Variants in MCC observed in about 807,000 individuals in gnomAD.
MCC encodes the protein colorectal mutant cancer protein.
MCC carries 90 observed loss-of-function variants against 116.2 expected under a neutral mutation model. The ratio of observed to expected loss-of-function variants is 0.77; its 90% confidence interval spans 0.65 to 0.92. The LOEUF is 0.92. Ranked by LOEUF, MCC falls within the 40% of genes least tolerant of loss-of-function variation. The probability of loss-of-function intolerance (pLI) is 0.00; values close to 1 mark genes in which losing one functional copy is unlikely to be tolerated. For synonymous variants in MCC, 578 were observed against 510.5 expected (o/e 1.13, Z -1.78); for missense variants, 1,516 against 1,312.2 (o/e 1.16, Z -2.40).
chr5:113,318,984 A>G (rs1208005698), intron 3 of MCC, among the ~76,000 whole-genome samples: 2 of 152,082 alleles, frequency 1.3e-5, no homozygotes, highest in Non-Finnish European at 2.9e-5. Context: ...CTCCTACCTC[A>G]GCCTTCTGAG....
intron 3 of MCC, among the ~76,000 whole-genome samples, chr5:113,170,732 G>C (rs550692059): frequency 6.6e-6 from 1 of 152,004 alleles, no homozygotes; most frequent in Non-Finnish European, 1.5e-5. Flanking sequence ...TACAAAATTT[G>C]ACAAGAAGTT....
At chr5:113,174,649 G>A (rs998198446) in intron 3 of MCC, among the ~76,000 whole-genome samples, 2 of 150,020 alleles carry the variant, frequency 1.3e-5, no homozygotes, top group African/African-American at 2.5e-5. Context: ...CTGTCATCCA[G>A]GTTAGAGTCC....
At chr5:113,038,902 T>C (rs910003034) in intron 17 of MCC, among the ~76,000 whole-genome samples, 2 of 152,198 alleles carry the variant, frequency 1.3e-5, no homozygotes, top group Admixed American at 6.5e-5. Flanking sequence ...AACGTGGCAT[T>C]TTACAGAACC....
At chr5:113,367,629 T>TGGGG (rs796884870) in intron 2 of MCC, among the ~76,000 whole-genome samples, 2 of 51,174 alleles carry the variant, frequency 3.9e-5, no homozygotes, top group Non-Finnish European at 8.0e-5. Context: ...AGGCAGAGGG[T>TGGGG]GGGGGGGGGG....
intron 1 of MCC, among the ~76,000 whole-genome samples, chr5:113,440,704 C>T (rs1482582981): frequency 2.6e-5 from 4 of 151,864 alleles, no homozygotes; most frequent in African/African-American, 9.7e-5. Context: ...TGTCTATATC[C>T]TTTAAGGGAA....
chr5:113,219,716 C>A (rs1437975771), intron 3 of MCC, among the ~76,000 whole-genome samples: 2 of 152,130 alleles, frequency 1.3e-5, no homozygotes, highest in East Asian at 1.9e-4. Context: ...TCCCAGCAGG[C>A]CAGAAACTAT....
intron 1 of MCC, chr5:113,435,641 T>A (rs1770832655): frequency 6.6e-6 from 1 of 152,414 alleles, no homozygotes; most frequent in Admixed American, 6.5e-5. Flanking sequence ...GGCCCCGGAG[T>A]CACGCAGTTT....
At chr5:113,280,188 G>T (rs566329205) in intron 3 of MCC, among the ~76,000 whole-genome samples, 1 of 152,296 alleles carries the variant, frequency 6.6e-6, no homozygotes, top group South Asian at 2.1e-4. Context: ...GGGCCCCTGG[G>T]GCTCAGTGTT....
chr5:113,469,248 T>A (rs1054110892), intron 1 of MCC, among the ~76,000 whole-genome samples: 1 of 152,202 alleles, frequency 6.6e-6, no homozygotes, highest in African/African-American at 2.4e-5. Context: ...TTGCTCTTGC[T>A]TTTCTAGTTC....
At chr5:113,286,174 G>A (rs1766249282) in intron 3 of MCC, among the ~76,000 whole-genome samples, 1 of 152,178 alleles carries the variant, frequency 6.6e-6, no homozygotes, top group Non-Finnish European at 1.5e-5. Context: ...ACACAGATAA[G>A]GGAAGGAACA....
chr5:113,423,581 C>G (rs934674422), intron 1 of MCC, among the ~76,000 whole-genome samples: 1 of 152,114 alleles, frequency 6.6e-6, no homozygotes, highest in Non-Finnish European at 1.5e-5. Context: ...AACTAAATTT[C>G]AAAAGTTACA....
Position 113,028,934 on chromosome 5 carries a change from C to G in MCC, c.2879G>C (p.Ser960Thr). Residue 960 changes from serine (S) to threonine (T), a missense_variant and splice_region_variant, in exon 18 of 19, where the codon AGC (serine) becomes ACC (threonine). Ser to Thr is a moderately conservative substitution (Grantham distance 58). Coordinates refer to ENST00000408903, the MANE Select transcript of MCC (RefSeq NM_001085377.2). ...GGGCTGGGTATAGGGAGATTTTTAC[C>G]TGTTGGCCCGCTTTAGATCATTCAC... ...EFVNDLKRAN[S>T]NLVAAYEKAK... 1 of 1,613,002 alleles carries G rather than the reference C, an allele frequency of 6.2e-7. No individual in the cohort carries two copies. Among genetic ancestry groups the G allele is most frequent in the East Asian group, 2.2e-5 (1 of 44,814 alleles).
chr5:113,059,144 A>AT (rs1753038778), intron 14 of MCC, among the ~76,000 whole-genome samples: 1 of 28,682 alleles, frequency 3.5e-5, no homozygotes, highest in African/African-American at 1.1e-4. Flanking sequence ...GAGGAAGGAA[A>AT]TAAAAAAAAA....
intron 3 of MCC, among the ~76,000 whole-genome samples, chr5:113,194,842 C>G (rs1236454909): frequency 6.6e-6 from 1 of 152,134 alleles, no homozygotes; most frequent in East Asian, 1.9e-4. Flanking sequence ...GAAAATGAAT[C>G]TAGATGTAGT....
intron 3 of MCC, among the ~76,000 whole-genome samples, chr5:113,311,063 A>C (rs887999226): frequency 1.3e-5 from 2 of 152,226 alleles, no homozygotes; most frequent in African/African-American, 4.8e-5. Context: ...GCAGGAGTTC[A>C]TGGTTACAGT....
intron 3 of MCC, among the ~76,000 whole-genome samples, chr5:113,229,712 T>A (rs1393417243): frequency 1.3e-5 from 2 of 152,202 alleles, no homozygotes; most frequent in East Asian, 3.8e-4. Flanking sequence ...ATTTTTACTA[T>A]ACCTTTTCTA....
In MCC at chr5:113,255,220, T is replaced by A. The variant is rs540354990; in HGVS notation, c.627+85299A>T. On this transcript the variant is annotated intron_variant, in intron 3 of 18. Transcript: ENST00000408903. ...TATTATTCCCCCACCCCTTTTGCAA[T>A]CTGATCACAGTGAGAGCCGACATGT... 2.6e-5 allele frequency among the ~76,000 whole-genome samples: 4 copies of A among 152,228 alleles called. No homozygotes were observed. In the South Asian group the frequency reaches 8.3e-4, roughly 32 times the overall value.
intron 1 of MCC, among the ~76,000 whole-genome samples, chr5:113,413,240 GT>G (rs1285113164): frequency 1.3e-5 from 2 of 152,228 alleles, no homozygotes; most frequent in African/African-American, 2.4e-5. Flanking sequence ...CTCTTTTTTG[GT>G]TGTGTCTCTG....
At chr5:113,137,215 T>A (rs1356606999) in intron 5 of MCC, among the ~76,000 whole-genome samples, 1 of 152,154 alleles carries the variant, frequency 6.6e-6, no homozygotes, top group African/African-American at 2.4e-5. Flanking sequence ...CAGGAGGAAC[T>A]GTCAACCACA....
Sources: allele counts gnomAD v4.1 joint callset (sites outside exome capture counted in the v4.1 genomes callset), GRCh38; gene constraint gnomAD v4.1.1; transcripts MANE v1.5; gene names NCBI Gene and HGNC (gene_info 2026-07-23, HGNC 2026-07-21).